Variants in TBC1D19 observed in about 807,000 individuals in gnomAD.
TBC1D19 encodes the protein TBC1 domain family, member 19.
A neutral mutation model predicts 89.0 loss-of-function variants in TBC1D19; 60 were observed. The ratio of observed to expected loss-of-function variants is 0.67; its 90% CI spans 0.55 to 0.84. The LOEUF (loss-of-function observed/expected upper bound fraction) is 0.84. Among genes scored for constraint, TBC1D19 ranks in the 40% least tolerant of loss-of-function variants. TBC1D19 has a pLI of 0.00. For missense variants in TBC1D19, 500 were observed against 610.8 expected (o/e 0.82, Z 1.91); for synonymous variants, 189 against 199.7 (o/e 0.95, Z 0.45).
intron 13 of TBC1D19, among the ~76,000 whole-genome samples, chr4:26,694,327 A>C (rs1224857088): frequency 6.6e-6 from 1 of 152,166 alleles, no homozygotes; most frequent in African/African-American, 2.4e-5. Flanking sequence ...ATTGAACTGC[A>C]AGTCAGCAGC....
At chr4:26,633,117 T>A (rs997725824) in intron 4 of TBC1D19, among the ~76,000 whole-genome samples, 4 of 152,156 alleles carry the variant, frequency 2.6e-5, no homozygotes, top group African/African-American at 9.6e-5. Flanking sequence ...CTAGCAGGAA[T>A]TTACTGCTTT....
intron 9 of TBC1D19, among the ~76,000 whole-genome samples, chr4:26,667,845 A>G (rs540766595): frequency 5.9e-5 from 9 of 152,212 alleles, no homozygotes; most frequent in Non-Finnish European, 1.2e-4. Flanking sequence ...ACTTCCACCA[A>G]CAATGTGTGA....
At chr4:26,758,491 G>A (rs1719348705), downstream of TBC1D19, among the ~76,000 whole-genome samples, 1 of 152,190 alleles carries the variant, frequency 6.6e-6, no homozygotes, top group Non-Finnish European at 1.5e-5. Context: ...TCCTAGCCAA[G>A]TAGTCACCAT....
At chr4:26,613,322 G>A in intron 2 of TBC1D19, 81 bp downstream of exon 2, 1 of 836,056 alleles carries the variant, frequency 1.2e-6, no homozygotes, top group East Asian at 3.0e-5. Flanking sequence ...CCTCAAGCTT[G>A]TACAACCACC....
chr4:26,842,345 T>C, the TBC1D19 span, among the ~76,000 whole-genome samples: 1,247 of 79,694 alleles, frequency 0.016, 7 homozygotes, highest in African/African-American at 0.023. Context: ...CTTTTCTTTT[T>C]TTTTTTTTTT....
At chr4:26,683,923 TTC>T (rs554214447) in intron 12 of TBC1D19, among the ~76,000 whole-genome samples, 174 bp downstream of exon 12, 2 of 152,190 alleles carry the variant, frequency 1.3e-5, no homozygotes, top group Non-Finnish European at 2.9e-5. Context: ...GCAGTTTGCA[TTC>T]TCTGTTATCT....
In TBC1D19 at chr4:26,735,045, C is replaced by T. The variant is rs13141213; in HGVS notation, c.1085-410C>T. ...ACACATGTATATATGTATATGTGTA[C>T]ACACATGTATATATGTATATATGTA... On this transcript the variant is annotated intron_variant, in intron 15 of 20. Transcript: ENST00000264866. Among the ~76,000 whole-genome samples, 160 of 91,144 alleles carry T rather than the reference C, an allele frequency of 1.8e-3. 2 individuals carry two copies. The highest frequency in any genetic ancestry group is 9.6e-3 in the South Asian group (24 of 2,496). The allele number at this position is 91,144 out of a possible 152,430, so 59.8% of individuals were successfully genotyped here.
chr4:26,855,881 AT>A, the TBC1D19 span, among the ~76,000 whole-genome samples: 1 of 152,248 alleles, frequency 6.6e-6, no homozygotes, highest in Admixed American at 6.5e-5. Context: ...AATATTGTGT[AT>A]ATTTATGGAG....
Position 26,640,125 on chromosome 4 carries a change from A to G in TBC1D19, c.434-16A>G. 1 of 1,580,662 alleles carries G rather than the reference A, an allele frequency of 6.3e-7. No homozygotes were observed. Among genetic ancestry groups the G allele is most frequent in the Non-Finnish European group, 8.6e-7 (1 of 1,157,632 alleles). On this transcript the variant is annotated splice_polypyrimidine_tract_variant and intron_variant, in intron 6 of 20. Transcript: ENST00000264866. ...ATTATTAGCTGAAATTTTGTTTATA[A>G]TCTATCTTATTCTAGATTTAAGCCT...
At chr4:26,639,516 GT>G (rs1481580242) in intron 6 of TBC1D19, among the ~76,000 whole-genome samples, 1 of 151,962 alleles carries the variant, frequency 6.6e-6, no homozygotes, top group African/African-American at 2.4e-5. Flanking sequence ...TGAAAAATAC[GT>G]TTGAAGACTT....
Position 26,755,070 on chromosome 4 carries a change from C to T in TBC1D19, c.*123C>T, listed in dbSNP as rs979797692. ...TAAGCCAATAAAGATCATGTTCCCT[C>T]TTCAGTTAAACCTAAGTAGTTTCTC... On this transcript the variant is annotated 3_prime_UTR_variant, in exon 21 of 21. Coordinates refer to ENST00000264866, the MANE Select transcript of TBC1D19 (RefSeq NM_018317.4). 8.6e-6 allele frequency: 7 copies of T among 816,056 alleles called. No individual in the cohort carries two copies. Among genetic ancestry groups the T allele is most frequent in the Middle Eastern group, 2.5e-4 (1 of 3,994 alleles). The allele number at this position is 816,056 out of a possible 1,614,324, so 50.6% of individuals were successfully genotyped here.
chr4:26,804,083 A>C, the TBC1D19 span, among the ~76,000 whole-genome samples: 16 of 151,594 alleles, frequency 1.1e-4, no homozygotes, highest in African/African-American at 3.9e-4. Context: ...AACAAAACAG[A>C]AACAGAAACA....
At chr4:26,613,085 T>A in intron 1 of TBC1D19, 84 bp from the exon 2 acceptor site, 1 of 991,072 alleles carries the variant, frequency 1.0e-6, no homozygotes, top group South Asian at 1.6e-5. Context: ...ACATTTCCTT[T>A]GTTCTAAATA....
At chr4:26,769,445 A>G in the TBC1D19 span, among the ~76,000 whole-genome samples, 1 of 152,210 alleles carries the variant, frequency 6.6e-6, no homozygotes, top group Non-Finnish European at 1.5e-5. Flanking sequence ...AGTGTAAAGC[A>G]ATAATAATAA....
chr4:26,729,002 G>A (rs186707424), intron 15 of TBC1D19, among the ~76,000 whole-genome samples: 253 of 152,320 alleles, frequency 1.7e-3, no homozygotes, highest in Middle Eastern at 0.01. Context: ...GCGACAGAGC[G>A]AGACTCCGTC....
intron 13 of TBC1D19, among the ~76,000 whole-genome samples, chr4:26,691,262 T>C (rs532943082): frequency 1.2e-3 from 185 of 152,352 alleles, no homozygotes; most frequent in Non-Finnish European, 5.3e-4. Context: ...TGGACTCTAC[T>C]CTTGGTGAAG....
the TBC1D19 span, among the ~76,000 whole-genome samples, chr4:26,817,981 A>AAAAATAT: frequency 4.8e-5 from 6 of 126,052 alleles, no homozygotes; most frequent in African/African-American, 2.2e-4. Flanking sequence ...AAAAAAAAAA[A>AAAAATAT]ATATATATAT....
At chr4:26,641,119 G>A (rs1414907974) in intron 7 of TBC1D19, among the ~76,000 whole-genome samples, 3 of 152,170 alleles carry the variant, frequency 2.0e-5, no homozygotes, top group Admixed American at 1.3e-4. Context: ...CCTGACCCCC[G>A]TGTAGCCTAA....
the TBC1D19 span, among the ~76,000 whole-genome samples, chr4:26,817,981 A>AATATATATATATATATAT: frequency 3.2e-5 from 4 of 126,048 alleles, no homozygotes; most frequent in African/African-American, 1.5e-4. Flanking sequence ...AAAAAAAAAA[A>AATATATATATATATATAT]ATATATATAT....
Sources: allele counts gnomAD v4.1 joint callset (sites outside exome capture counted in the v4.1 genomes callset), GRCh38; gene constraint gnomAD v4.1.1; transcripts MANE v1.5; gene names NCBI Gene and HGNC (gene_info 2026-07-23, HGNC 2026-07-21).